The following TDRD3 variants were observed in gnomAD, a reference collection of about 807,000 sequenced individuals.
TDRD3 encodes tudor domain-containing protein 3.
TDRD3 carries 45 observed loss-of-function variants against 86.7 expected under a neutral mutation model. That is an observed-to-expected ratio of 0.52 (90% confidence interval 0.41 to 0.67). The LOEUF (loss-of-function observed/expected upper bound fraction) is 0.67, where lower values mean the gene tolerates loss of function less well. Among genes scored for constraint, TDRD3 ranks in the 30% least tolerant of loss-of-function variants. TDRD3 has a pLI of 0.00. For synonymous variants in TDRD3, 298 were observed against 301.7 expected, an observed-to-expected ratio of 0.99 and a Z score of 0.13; for missense variants, 814 against 889.0, an observed-to-expected ratio of 0.92 and a Z score of 1.07.
In TDRD3 at chr13:60,467,833, T is replaced by G. The variant is rs529627737; in HGVS notation, c.495+454T>G. Among the ~76,000 whole-genome samples the G allele has an allele frequency of 9.9e-4, 151 of 152,320 alleles. 1 individual carries two copies. Among genetic ancestry groups the G allele is most frequent in the Middle Eastern group, 3.4e-3 (1 of 294 alleles). The stretch of plus-strand genomic sequence containing the variant: ...TCTCATTAGCTAATATTTTTCCCCA[T>G]TTATATTAACAATATCTTCATCTTT... On this transcript the variant is annotated intron_variant, in intron 5 of 13. Transcript: ENST00000377881.
chr13:60,567,468 T>A, intron 12 of TDRD3, 57 bp from the exon 13 acceptor site: 1 of 1,612,148 alleles, frequency 6.2e-7, no homozygotes, highest in Non-Finnish European at 8.5e-7. Flanking sequence ...CAATTTTTTT[T>A]ACTTAAGAAA....
At chr13:60,450,896 G>T (rs1955522577) in intron 3 of TDRD3, among the ~76,000 whole-genome samples, 1 of 152,006 alleles carries the variant, frequency 6.6e-6, no homozygotes, top group African/African-American at 2.4e-5. Flanking sequence ...AGGAATAGTG[G>T]GTAGATGCCC....
intron 2 of TDRD3, among the ~76,000 whole-genome samples, 181 bp downstream of exon 2, chr13:60,439,953 A>G (rs1212629423): frequency 6.6e-6 from 1 of 152,176 alleles, no homozygotes; most frequent in Non-Finnish European, 1.5e-5. Flanking sequence ...CAAGTTATTA[A>G]TATCTGTTAT....
intron 8 of TDRD3, among the ~76,000 whole-genome samples, chr13:60,508,530 A>G (rs529948839): frequency 6.6e-6 from 1 of 152,330 alleles, no homozygotes; most frequent in East Asian, 1.9e-4. Flanking sequence ...AGGATTTCCT[A>G]TTTAATAAAT....
chr13:60,490,061 T>TG (rs964104428), intron 7 of TDRD3, among the ~76,000 whole-genome samples: 3 of 149,748 alleles, frequency 2.0e-5, no homozygotes, highest in African/African-American at 7.3e-5. Flanking sequence ...TTTTTTTTTT[T>TG]TTTTTTTTTT....
intron 1 of TDRD3, among the ~76,000 whole-genome samples, chr13:60,399,267 G>A (rs754361356): frequency 2.6e-5 from 4 of 152,144 alleles, no homozygotes; most frequent in Non-Finnish European, 4.4e-5. Flanking sequence ...ACCCTGCTTC[G>A]TTATATTGTT....
At chr13:60,484,948 G>A (rs941245804) in intron 6 of TDRD3, among the ~76,000 whole-genome samples, 1 of 151,998 alleles carries the variant, frequency 6.6e-6, no homozygotes, top group Non-Finnish European at 1.5e-5. Flanking sequence ...TAGCTTCTTA[G>A]GGGTTAGAGA....
At chr13:60,426,823 C>G (rs1954823496) in intron 1 of TDRD3, among the ~76,000 whole-genome samples, 2 of 152,180 alleles carry the variant, frequency 1.3e-5, no homozygotes, top group Non-Finnish European at 2.9e-5. Flanking sequence ...AATGTGTTCT[C>G]AAGCAACTTT....
chr13:60,538,992 A>G (rs1957755652), intron 12 of TDRD3, among the ~76,000 whole-genome samples: 1 of 152,184 alleles, frequency 6.6e-6, no homozygotes, highest in Non-Finnish European at 1.5e-5. Context: ...GCTTCTTGGT[A>G]TCAGGAAATG....
intron 3 of TDRD3, among the ~76,000 whole-genome samples, chr13:60,445,153 T>G (rs1566196299): frequency 2.6e-5 from 4 of 152,216 alleles, no homozygotes; most frequent in African/African-American, 9.6e-5. Context: ...ATGAAAGTAT[T>G]AGGAGCAAGT....
At chr13:60,447,605 G>C (rs1423247579) in intron 3 of TDRD3, among the ~76,000 whole-genome samples, 9 of 152,086 alleles carry the variant, frequency 5.9e-5, no homozygotes, top group Non-Finnish European at 1.2e-4. Flanking sequence ...CAATAAATAA[G>C]GTAAGGCAAA....
intron 1 of TDRD3, among the ~76,000 whole-genome samples, chr13:60,432,855 A>C (rs931371495): frequency 6.6e-6 from 1 of 152,090 alleles, no homozygotes; most frequent in Non-Finnish European, 1.5e-5. Flanking sequence ...GAATTCATTT[A>C]TCAAACTCCC....
rs1398195205 is a variant in TDRD3 at position 60,461,038 on chromosome 13, ATAGT to A, written c.353+501_353+504del. ...ATATAAAATAAAAATAAATTAAAAAATAGTTAAGTATATAGTTACTTCTTGATTG... is the reference window on the plus strand; with the variant it reads ...ATATAAAATAAAAATAAATTAAAAAATAAGTATATAGTTACTTCTTGATTG... On this transcript the variant is annotated intron_variant, in intron 4 of 13. Transcript: ENST00000377881. 1.6e-4 allele frequency: 25 copies of A among 152,040 alleles called. No individual in the cohort carries two copies. The South Asian group carries it at 4.6e-3, about 28-fold the overall frequency. 9.4% of individuals were successfully genotyped at this position (152,040 alleles called of 1,614,324 possible).
intron 8 of TDRD3, among the ~76,000 whole-genome samples, chr13:60,504,790 G>A (rs1390647262): frequency 2.0e-5 from 3 of 152,146 alleles, no homozygotes; most frequent in Non-Finnish European, 4.4e-5. Flanking sequence ...CATGGAGGGC[G>A]AGCAGAAGCA....
chr13:60,400,141 A>G (rs982645377), intron 1 of TDRD3, among the ~76,000 whole-genome samples: 2 of 152,236 alleles, frequency 1.3e-5, no homozygotes, highest in Non-Finnish European at 2.9e-5. Flanking sequence ...ACTAAATGGT[A>G]CCTTGTAAAG....
At chr13:60,544,443 TAAAAA>T (rs34582725) in intron 12 of TDRD3, among the ~76,000 whole-genome samples, 1 of 130,456 alleles carries the variant, frequency 7.7e-6, no homozygotes, top group Non-Finnish European at 1.6e-5. Context: ...CATATCTCTT[TAAAAA>T]AAAAAAAAAA....
At chr13:60,517,385 T>G (rs1957196392) in intron 10 of TDRD3, among the ~76,000 whole-genome samples, 1 of 152,206 alleles carries the variant, frequency 6.6e-6, no homozygotes, top group African/African-American at 2.4e-5. Flanking sequence ...GTGAGGGATT[T>G]CCTCAAGAAT....
intron 1 of TDRD3, among the ~76,000 whole-genome samples, chr13:60,435,805 A>T (rs1257093048): frequency 6.6e-6 from 1 of 152,152 alleles, no homozygotes; most frequent in Non-Finnish European, 1.5e-5. Context: ...TTGCTGGATC[A>T]AATGGTAGAT....
At chr13:60,473,687 G>C (rs1428136815) in intron 5 of TDRD3, among the ~76,000 whole-genome samples, 1 of 152,164 alleles carries the variant, frequency 6.6e-6, no homozygotes, top group African/African-American at 2.4e-5. Flanking sequence ...ACAGAGATAG[G>C]AGCTGAAGGG....
Sources: allele counts gnomAD v4.1 joint callset (sites outside exome capture counted in the v4.1 genomes callset), GRCh38; gene constraint gnomAD v4.1.1; transcripts MANE v1.5; gene names NCBI Gene and HGNC (gene_info 2026-07-23, HGNC 2026-07-21).